Variants in ST7 observed in about 807,000 individuals in gnomAD.
The protein encoded by ST7 is suppression of tumorigenicity 7.
ST7 carries 28 observed loss-of-function variants against 78.7 expected under a neutral mutation model. The ratio of observed to expected loss-of-function variants is 0.36; its 90% CI spans 0.26 to 0.49. The LOEUF (loss-of-function observed/expected upper bound fraction) is 0.49, where lower values mean the gene tolerates loss of function less well. ST7 is among the 20% of genes least tolerant of loss of function. ST7 has a pLI of 0.99. For synonymous variants in ST7, 247 were observed against 249.6 expected (o/e 0.99, Z 0.10); for missense variants, 418 against 696.0 (o/e 0.60, Z 4.49).
chr7:116,991,185 T>C (rs776431963), intron 1 of ST7, among the ~76,000 whole-genome samples: 2 of 152,238 alleles, frequency 1.3e-5, no homozygotes, highest in Non-Finnish European at 2.9e-5. Context: ...TAGTATTTTG[T>C]TTTGAAAAAG....
chr7:117,210,697 A>G (rs143686514), intron 13 of ST7, among the ~76,000 whole-genome samples: 1 of 152,312 alleles, frequency 6.6e-6, no homozygotes, highest in East Asian at 1.9e-4. Flanking sequence ...GCCTTGAAGA[A>G]GTAGGACATT....
At chr7:117,059,786 C>G (rs1163328567) in intron 1 of ST7, among the ~76,000 whole-genome samples, 1 of 117,902 alleles carries the variant, frequency 8.5e-6, no homozygotes, top group East Asian at 2.7e-4. Context: ...GCCTTTGCTA[C>G]TTAGTAAGAC....
chr7:117,217,598 C>A (rs761729499), intron 13 of ST7, among the ~76,000 whole-genome samples: 7 of 152,178 alleles, frequency 4.6e-5, no homozygotes, highest in Non-Finnish European at 8.8e-5. Context: ...TCCTCTCTTG[C>A]TTGTTCTAGC....
At chr7:117,070,236 A>G (rs1798856924) in intron 1 of ST7, among the ~76,000 whole-genome samples, 1 of 152,238 alleles carries the variant, frequency 6.6e-6, no homozygotes, top group Non-Finnish European at 1.5e-5. Flanking sequence ...GGCCAGACTT[A>G]AAGTCCAGTG....
intron 13 of ST7, among the ~76,000 whole-genome samples, chr7:117,215,362 T>C (rs1183744445): frequency 6.6e-6 from 1 of 152,148 alleles, no homozygotes. Flanking sequence ...GCATTTCTAA[T>C]TATTAACAAA....
intron 1 of ST7, among the ~76,000 whole-genome samples, chr7:116,957,605 G>A (rs1424484186): frequency 6.6e-6 from 1 of 152,156 alleles, no homozygotes; most frequent in African/African-American, 2.4e-5. Context: ...GTTTTTAAAA[G>A]ACCCCAAATA....
At chr7:117,122,652 C>T (rs1803496694) in intron 3 of ST7, among the ~76,000 whole-genome samples, 1 of 152,006 alleles carries the variant, frequency 6.6e-6, no homozygotes, top group African/African-American at 2.4e-5. Flanking sequence ...AATAGTTATC[C>T]TTAGAAAAAT....
chr7:116,960,169 G>A (rs74301894), intron 1 of ST7, among the ~76,000 whole-genome samples: 12,780 of 151,464 alleles, frequency 0.084, 590 homozygotes, highest in East Asian at 0.13. Context: ...CTCCAAATAC[G>A]CTGGGATTCT....
At chr7:117,171,488 A>G (rs1326846414) in intron 10 of ST7, among the ~76,000 whole-genome samples, 1 of 152,008 alleles carries the variant, frequency 6.6e-6, no homozygotes, top group East Asian at 1.9e-4. Flanking sequence ...AGCTCTTCTC[A>G]TTAGCAGCAG....
chr7:117,130,420 G>C, intron 4 of ST7, 71 bp from the exon 5 acceptor site: 1 of 1,122,880 alleles, frequency 8.9e-7, no homozygotes, highest in Admixed American at 2.2e-5. Context: ...CAACGCCTCT[G>C]CAGCTTAATA....
chr7:117,146,635 G>A (rs1270362514), intron 9 of ST7, among the ~76,000 whole-genome samples: 1 of 152,174 alleles, frequency 6.6e-6, no homozygotes, highest in African/African-American at 2.4e-5. Context: ...GGTGTGAAGT[G>A]ATCAGATTCT....
intron 10 of ST7, among the ~76,000 whole-genome samples, chr7:117,171,861 T>C (rs1158438199): frequency 6.6e-6 from 1 of 152,164 alleles, no homozygotes; most frequent in Non-Finnish European, 1.5e-5. Context: ...ATTTTTTCTT[T>C]AGTAAGCATC....
At chr7:117,099,880 T>C in intron 2 of ST7, 36 bp downstream of exon 2, 3 of 1,519,834 alleles carry the variant, frequency 2.0e-6, no homozygotes, top group Non-Finnish European at 2.7e-6. Context: ...AAAAACATGC[T>C]GATTAGTAAT....
chr7:117,176,089 A>G (rs1221430991), intron 10 of ST7, among the ~76,000 whole-genome samples: 2 of 152,200 alleles, frequency 1.3e-5, no homozygotes, highest in African/African-American at 4.8e-5. Flanking sequence ...CTTTGGGTTC[A>G]TAGCAACTTC....
intron 1 of ST7, among the ~76,000 whole-genome samples, chr7:116,970,148 G>C (rs2116245311): frequency 6.6e-6 from 1 of 152,208 alleles, no homozygotes; most frequent in South Asian, 2.1e-4. Context: ...TAGAGAAAGG[G>C]AAAGCTCCAG....
intron 2 of ST7, among the ~76,000 whole-genome samples, chr7:117,110,324 T>C: frequency 6.6e-6 from 1 of 152,184 alleles, no homozygotes; most frequent in African/African-American, 2.4e-5. Context: ...CTTTTGTTTA[T>C]ACATTCCTCC....
At chr7:116,956,678 T>C (rs1260213151) in intron 1 of ST7, 1 of 469,942 alleles carries the variant, frequency 2.1e-6, no homozygotes, top group African/African-American at 2.0e-5. Context: ...TCTCAATATC[T>C]TGACCATCTG....
chr7:117,172,744 C>A (rs1808091599), intron 10 of ST7, among the ~76,000 whole-genome samples: 1 of 152,168 alleles, frequency 6.6e-6, no homozygotes, highest in Admixed American at 6.5e-5. Flanking sequence ...GTGCACTTTT[C>A]CAAATGCCAC....
At chr7:117,157,150 G>A (rs887732871) in intron 9 of ST7, among the ~76,000 whole-genome samples, 1 of 152,174 alleles carries the variant, frequency 6.6e-6, no homozygotes, top group Admixed American at 6.5e-5. Context: ...ATGCTGGCAG[G>A]TGCTGGAAAC....
Sources: gnomAD v4.1 joint callset for allele counts (sites outside exome capture counted in the v4.1 genomes callset) on GRCh38, gnomAD v4.1.1 for gene constraint, MANE v1.5 for transcripts, NCBI Gene and HGNC (gene_info 2026-07-23, HGNC 2026-07-21) for gene names.